DNAH11: variants seen among roughly 807,000 people sequenced by gnomAD.
DNAH11 encodes axonemal beta dynein heavy chain 11.
Under a neutral mutation model 526.0 loss-of-function variants are expected in DNAH11, and 442 were observed. The observed-to-expected ratio is 0.84, with a 90% CI of 0.78 to 0.91. The LOEUF (loss-of-function observed/expected upper bound fraction) is 0.91. DNAH11 is among the 40% of genes least tolerant of loss of function. The probability of loss-of-function intolerance (pLI) is 0.00; values close to 1 mark genes in which losing one functional copy is unlikely to be tolerated. For synonymous variants in DNAH11, 2,461 were observed against 1,935.9 expected (o/e 1.27, Z -7.12); for missense variants, 6,989 against 5,448.7 (o/e 1.28, Z -8.90).
intron 44 of DNAH11, among the ~76,000 whole-genome samples, chr7:21,723,620 A>G (rs1297149024): frequency 1.3e-5 from 2 of 152,192 alleles, no homozygotes; most frequent in Non-Finnish European, 2.9e-5. Context: ...AAACACTTGA[A>G]TGGCTCCTTG....
intron 28 of DNAH11, among the ~76,000 whole-genome samples, chr7:21,644,787 A>C (rs1475988168): frequency 6.6e-6 from 1 of 152,242 alleles, no homozygotes; most frequent in Non-Finnish European, 1.5e-5. Flanking sequence ...GTAATATTTT[A>C]AATGGATACC....
chr7:21,637,935 T>G (rs1786945476), intron 27 of DNAH11, among the ~76,000 whole-genome samples: 1 of 152,142 alleles, frequency 6.6e-6, no homozygotes, highest in African/African-American at 2.4e-5. Context: ...ATTATACTAG[T>G]AAAATTAGAG....
intron 76 of DNAH11, 126 bp downstream of exon 76, chr7:21,884,536 A>G (rs1255699803): frequency 1.9e-6 from 2 of 1,067,706 alleles, no homozygotes; most frequent in East Asian, 2.8e-5. Context: ...CCTTTTGGGA[A>G]ATTTCTTAGA....
intron 68 of DNAH11, among the ~76,000 whole-genome samples, chr7:21,858,010 T>C (rs552554767): frequency 1.3e-5 from 2 of 152,172 alleles, no homozygotes; most frequent in East Asian, 3.9e-4. Context: ...AAGACAATAT[T>C]CTCAATACAT....
At chr7:21,670,295 A>G (rs1229585970) in intron 30 of DNAH11, among the ~76,000 whole-genome samples, 1 of 151,818 alleles carries the variant, frequency 6.6e-6, no homozygotes, top group African/African-American at 2.4e-5. Flanking sequence ...TTTTTATTCT[A>G]TTTTATATAA....
intron 56 of DNAH11, 30 bp from the exon 57 acceptor site, chr7:21,778,928 G>C: frequency 6.2e-7 from 1 of 1,606,660 alleles, no homozygotes. Flanking sequence ...AACAAGGCCA[G>C]TGACGTAAGA....
Position 21,704,440 on chromosome 7 carries a change from A to C in DNAH11, c.6280A>C (p.Met2094Leu), listed in dbSNP as rs1784182961. Residue 2094 changes from methionine (M) to leucine (L), a missense_variant, in exon 38 of 82, where the codon ATG becomes CTG. By Grantham distance (15) the Met-to-Leu change is conservative (BLOSUM62 2). Transcript: ENST00000409508. ...DKNRPEDQVL[M>L]RALRDFNMPK... ...AAAATGTTTTTTTTTCTAGGTACTCATGAGAGCATTAAGGGATTTCAATAT... is the reference window on the plus strand; with the variant it reads ...AAAATGTTTTTTTTTCTAGGTACTCCTGAGAGCATTAAGGGATTTCAATAT... 1 of 1,612,792 alleles carries C rather than the reference A, an allele frequency of 6.2e-7. No homozygotes were observed. The highest frequency in any genetic ancestry group is 1.1e-5 in the South Asian group (1 of 90,856).
chr7:21,781,420 A>G (rs1787936318), intron 57 of DNAH11, among the ~76,000 whole-genome samples: 1 of 152,208 alleles, frequency 6.6e-6, no homozygotes, highest in Non-Finnish European at 1.5e-5. Flanking sequence ...CACAAGCATC[A>G]TCAAGCCTGT....
intron 30 of DNAH11, among the ~76,000 whole-genome samples, chr7:21,663,030 C>A (rs945530038): frequency 6.6e-6 from 1 of 152,064 alleles, no homozygotes; most frequent in African/African-American, 2.4e-5. Flanking sequence ...CACTCAATAT[C>A]CATGTGTACA....
At chr7:21,633,771 A>G (rs1035485808) in intron 25 of DNAH11, among the ~76,000 whole-genome samples, 4 of 152,210 alleles carry the variant, frequency 2.6e-5, no homozygotes, top group Non-Finnish European at 4.4e-5. Flanking sequence ...GGAGGGCCTT[A>G]GAAGATGATG....
intron 68 of DNAH11, among the ~76,000 whole-genome samples, chr7:21,858,767 G>A (rs1460027095): frequency 6.6e-6 from 1 of 152,206 alleles, no homozygotes; most frequent in African/African-American, 2.4e-5. Flanking sequence ...TTCTGGTAAT[G>A]TAAGTAGAAA....
At chr7:21,552,250 C>T (rs917744179) in intron 2 of DNAH11, among the ~76,000 whole-genome samples, 2 of 152,192 alleles carry the variant, frequency 1.3e-5, no homozygotes, top group Non-Finnish European at 2.9e-5. Flanking sequence ...CCTGAATTTC[C>T]TTTGGGACCA....
chr7:21,900,040 CT>C lies in DNAH11; in HGVS notation c.13224del (p.Asp4409MetfsTer77), dbSNP rs1378837605. 2 of 1,613,926 alleles carry C rather than the reference CT, an allele frequency of 1.2e-6. No homozygotes were observed. The highest frequency in any genetic ancestry group is 3.3e-5 in the Admixed American group (2 of 60,018). ...CCCCTGGATAAAACGCGCTTGACTG[CT>C]GATGTTACCAAAAAAACAAAGGAAG... ...EWPLDKTRLT[A>X]DVTKKTKEDY... On this transcript the variant is annotated frameshift_variant, in exon 81 of 82. Coordinates refer to ENST00000409508, the MANE Select transcript of DNAH11 (RefSeq NM_001277115.2). LOFTEE classifies it high-confidence loss of function.
chr7:21,620,831 T>C (rs1786012748), intron 25 of DNAH11, among the ~76,000 whole-genome samples: 1 of 150,784 alleles, frequency 6.6e-6, no homozygotes, highest in Non-Finnish European at 1.5e-5. Flanking sequence ...TTTTTGTTCT[T>C]GTGATAGTTT....
intron 9 of DNAH11, among the ~76,000 whole-genome samples, chr7:21,585,941 T>G (rs1784467042): frequency 6.6e-6 from 1 of 152,196 alleles, no homozygotes; most frequent in African/African-American, 2.4e-5. Context: ...AAAACATCTC[T>G]ACTCTTCATA....
Position 21,784,411 on chromosome 7 carries a change from T to C in DNAH11, c.9484-16T>C, listed in dbSNP as rs769533775. Reference sequence around the variant, plus strand: ...AATAATTTATACGGGTTTGTGTGCTTTTCCTCTTTAATTAGGTGACAGCCA... The same window carrying C: ...AATAATTTATACGGGTTTGTGTGCTCTTCCTCTTTAATTAGGTGACAGCCA... On this transcript the variant is annotated splice_polypyrimidine_tract_variant and intron_variant, in intron 57 of 81. Transcript: ENST00000409508. 1.8e-5 allele frequency: 28 copies of C among 1,595,818 alleles called. No homozygotes were observed. Among genetic ancestry groups the C allele is most frequent in the Middle Eastern group, 1.7e-4 (1 of 6,040 alleles).
chr7:21,557,139 A>C (rs921555333), intron 2 of DNAH11, among the ~76,000 whole-genome samples: 6 of 151,906 alleles, frequency 3.9e-5, no homozygotes, highest in African/African-American at 1.5e-4. Context: ...TAAACTCTTC[A>C]GCCTGTTTGC....
chr7:21,610,081 C>T (rs1439079269), intron 20 of DNAH11, among the ~76,000 whole-genome samples: 2 of 151,998 alleles, frequency 1.3e-5, no homozygotes, highest in Non-Finnish European at 2.9e-5. Context: ...AGTGAAACCC[C>T]GTCTCTACTA....
Position 21,563,509 on chromosome 7 carries a change from A to T in DNAH11, c.983-677A>T, listed in dbSNP as rs112348608. Among the ~76,000 whole-genome samples, 700 of 152,118 alleles carry T rather than the reference A, an allele frequency of 4.6e-3. 13 individuals are homozygous for T. Among genetic ancestry groups the T allele is most frequent in the African/African-American group, 0.016 (663 of 41,500 alleles). On this transcript the variant is annotated intron_variant, in intron 5 of 81. Coordinates refer to ENST00000409508, the MANE Select transcript of DNAH11 (RefSeq NM_001277115.2). ...CTGCACCTGGCCCGCTGTAGCATTTAAAAAAAATATTTACCATGCTTAACA... is the reference window on the plus strand; with the variant it reads ...CTGCACCTGGCCCGCTGTAGCATTTTAAAAAAATATTTACCATGCTTAACA...
Sources: gnomAD v4.1 joint callset for allele counts (sites outside exome capture counted in the v4.1 genomes callset) on GRCh38, gnomAD v4.1.1 for gene constraint, MANE v1.5 for transcripts, NCBI Gene and HGNC (gene_info 2026-07-23, HGNC 2026-07-21) for gene names.